Variants in CLUH observed in about 807,000 individuals in gnomAD.
The protein encoded by CLUH is CLUH binding protein of NUMT mRNA.
A neutral mutation model predicts 139.3 loss-of-function variants in CLUH; 77 were observed. That is an observed-to-expected ratio of 0.55 (90% CI 0.46 to 0.67). The LOEUF (loss-of-function observed/expected upper bound fraction) is 0.67, where lower values mean the gene tolerates loss of function less well. CLUH is among the 30% of genes least tolerant of loss of function. CLUH has a pLI of 0.00. For synonymous variants in CLUH, 999 were observed against 801.6 expected, an observed-to-expected ratio of 1.25 and a Z score of -4.16; for missense variants, 1,876 against 1,875.8, an observed-to-expected ratio of 1.00 and a Z score of 0.00.
rs553228749 is a variant in CLUH, at chr17:2,711,631, C to A, written c.31G>T (p.Ala11Ser). 2.6e-4 allele frequency: 256 copies of A among 984,502 alleles called. No individual in the cohort carries two copies. The highest frequency in any genetic ancestry group is 3.0e-4 in the Non-Finnish European group (247 of 829,614). The allele number at this position is 984,502 out of a possible 1,614,324, so 61.0% of individuals were successfully genotyped here. The change falls in exon 1 of 26, where the codon GCC (alanine) becomes TCC (serine). Residue 11 changes from alanine to serine, a missense_variant. Ala to Ser is a moderately conservative substitution (Grantham distance 99). Around this residue, in one of 3 missense-constraint regions of CLUH, gnomAD observed 152 missense variants for 136.7 expected, o/e 1.11. Transcript: ENST00000651024. The part of the protein sequence containing the change: MVIKTDELPA[A>S]APADSAREHG... ...TCCCGGGCGCTGTCGGCCGGGGCGG[C>A]CGCCGGCAACTCGTCCGTCTTGATA...
At chr17:2,691,201 G>A (rs367693024) in intron 25 of CLUH, among the ~76,000 whole-genome samples, 15 of 152,238 alleles carry the variant, frequency 9.9e-5, no homozygotes, top group African/African-American at 3.1e-4. Flanking sequence ...GTGGGAAAAC[G>A]CCAAGATACT....
Position 2,692,701 on chromosome 17 carries a change from G to A in CLUH, c.3313-5C>T, listed in dbSNP as rs781423570. ...GCAGTACAGGGCCAGGTGCATCTGC[G>A]GGCGGGGCGGAGACAGGTCAGGGTG... is the stretch of plus-strand genomic sequence containing the variant. On this transcript the variant is annotated splice_region_variant and splice_polypyrimidine_tract_variant and intron_variant, in intron 20 of 25. Coordinates refer to ENST00000651024, the MANE Select transcript of CLUH (RefSeq NM_001366661.1). The A allele has an allele frequency of 1.5e-5, 24 of 1,609,586 alleles. No homozygotes were observed. In the Middle Eastern group the frequency reaches 1.0e-3, roughly 67 times the overall value.
Position 2,707,551 on chromosome 17 carries a change from C to T in CLUH, c.101-2987G>A, listed in dbSNP as rs532487527. ...GAGAGGGGGTCACTGCCGGCAAAGCCGCTAGGGGGATCGGAGAACCCAGAA... is the reference window on the plus strand; with the variant it reads ...GAGAGGGGGTCACTGCCGGCAAAGCTGCTAGGGGGATCGGAGAACCCAGAA... On this transcript the variant is annotated intron_variant, in intron 1 of 25. Coordinates refer to ENST00000651024, the MANE Select transcript of CLUH (RefSeq NM_001366661.1). The surrounding 1 kb of genome is among the most constrained non-coding windows in gnomAD (Gnocchi z 7.4). 67 of 985,408 alleles carry T rather than the reference C, an allele frequency of 6.8e-5. No individual in the cohort carries two copies. The South Asian group carries it at 1.6e-3, about 24-fold the overall frequency. 61.0% of individuals were successfully genotyped at this position (985,408 alleles called of 1,614,324 possible). A position where few individuals can be genotyped will look rare whatever the true frequency, so the allele number is the denominator to read the frequency against.
intron 19 of CLUH, among the ~76,000 whole-genome samples, chr17:2,693,395 C>CAGAA (rs72421525): frequency 0.51 from 76,859 of 151,152 alleles, 20,782 homozygotes; most frequent in Non-Finnish European, 0.61. Flanking sequence ...GACCCTGTCT[C>CAGAA]AGAAACAAAC....
rs746985052 is a variant in CLUH at position 2,697,978 on chromosome 17, C to A, written c.1879G>T (p.Ala627Ser). ...TGGGCGCGGGGGAAGCCGGCGCGGG[C>A]GCATTCCTCAGGCAGCTCCTCGCCA... is the stretch of plus-strand genomic sequence containing the variant. ...VPGEELPEECARAGFPRAHRH... is the reference protein window; with the variant it reads ...VPGEELPEECSRAGFPRAHRH... The change falls in exon 10 of 26, where the codon GCC becomes TCC. Residue 627 changes from alanine (A) to serine (S), a missense_variant. This residue lies in a region of CLUH where 1,454 missense variants were observed against 1,384.4 expected (regional missense o/e 1.05). Transcript: ENST00000651024. The A allele has an allele frequency of 6.3e-7, 1 of 1,585,530 alleles. No individual in the cohort carries two copies. The highest frequency in any genetic ancestry group is 1.7e-4 in the Middle Eastern group (1 of 6,034).
chr17:2,691,423 G>T (rs1460398442), intron 25 of CLUH, 186 bp downstream of exon 25: 2 of 601,946 alleles, frequency 3.3e-6, no homozygotes, highest in Non-Finnish European at 5.9e-6. Context: ...TGAGCCGGGC[G>T]AGGTGGCGGA....
intron 9 of CLUH, among the ~76,000 whole-genome samples, chr17:2,698,828 G>C (rs1464832382): frequency 5.9e-5 from 9 of 152,128 alleles, no homozygotes; most frequent in Non-Finnish European, 2.9e-5. Flanking sequence ...CAGACCACTT[G>C]AGGTCACGAG....
At position 2,701,483 on chromosome 17, in the gene CLUH, C is replaced by T; in HGVS notation, c.782G>A (p.Trp261Ter). Residue 261 changes from tryptophan (W) to a stop codon, truncating the protein, a stop_gained, in exon 6 of 26, where the codon TGG becomes TAG. Coordinates refer to ENST00000651024, the MANE Select transcript of CLUH (RefSeq NM_001366661.1). LOFTEE classifies it high-confidence loss of function. ...QCLKVLTMSG[W>*]NPPPGNRKMH... ...CTTCCGGTTCCCCGGGGGCGGGTTCCATCCGCTCATGGTGAGTACTTTCAG... is the reference window on the plus strand; with the variant it reads ...CTTCCGGTTCCCCGGGGGCGGGTTCTATCCGCTCATGGTGAGTACTTTCAG... The T allele has an allele frequency of 6.2e-7, 1 of 1,613,880 alleles. No homozygotes were observed. The highest frequency in any genetic ancestry group is 8.5e-7 in the Non-Finnish European group (1 of 1,179,856).
intron 12 of CLUH, 49 bp downstream of exon 12, chr17:2,696,385 A>G: frequency 6.5e-7 from 1 of 1,529,898 alleles, no homozygotes; most frequent in South Asian, 1.2e-5. Flanking sequence ...CCCCCCAGCG[A>G]AGCTCTGGCC....
chr17:2,696,877 G>A lies in CLUH; in HGVS notation c.2027C>T (p.Thr676Ile). The A allele has an allele frequency of 6.2e-7, 1 of 1,612,922 alleles. No homozygotes were observed. Among genetic ancestry groups the A allele is most frequent in the Non-Finnish European group, 8.5e-7 (1 of 1,179,622 alleles). The change falls in exon 11 of 26, where the codon ACC (threonine) becomes ATC (isoleucine). Residue 676 changes from threonine (T) to isoleucine (I), a missense_variant. Physicochemically the swap from Thr to Ile is moderately conservative, Grantham distance 89. Transcript: ENST00000651024. ...ACCACCATTTTCCAGGGAGGAGGGG[G>A]TCTCCAGCTGGCTGGCGTTCTGCTG... ...LMQQNASQLE[T>I]PSSLENGGPS...
Position 2,700,843 on chromosome 17 carries a change from G to T in CLUH, c.1026-18C>A, listed in dbSNP as rs369874928. On this transcript the variant is annotated intron_variant, in intron 7 of 25. Coordinates refer to ENST00000651024, the MANE Select transcript of CLUH (RefSeq NM_001366661.1). ...GCTGGACCCTGTGGCAGGCAGGGGA[G>T]GGGGAGATGGGGCAGCCCACCAAGC... 148 of 1,508,050 alleles carry T rather than the reference G, an allele frequency of 9.8e-5. No individual in the cohort carries two copies. Among genetic ancestry groups the T allele is most frequent in the Admixed American group, 4.1e-4 (18 of 44,082 alleles). The allele number at this position is 1,508,050 out of a possible 1,614,324, so 93.4% of individuals were successfully genotyped here.
At chr17:2,695,849 C>G (rs1323360560) in intron 13 of CLUH, 1 of 579,688 alleles carries the variant, frequency 1.7e-6, no homozygotes, top group African/African-American at 1.9e-5. Context: ...GAACCAGACA[C>G]AGAGCCTGCG....
rs780272470 is a variant in CLUH at position 2,698,303 on chromosome 17, G to A, written c.1554C>T (p.Tyr518=). ...GGATGATGGACTGGGCCGTGACCCG[G>A]TAGCCGCGGTAATCCACCACCACCG... ...LGTVVVDYRG[Y]RVTAQSIIPG... is the part of the protein sequence containing the mutation. Residue 518 remains tyrosine, a synonymous_variant, in exon 10 of 26, where the codon TAC becomes TAT. Transcript: ENST00000651024. 1.9e-6 allele frequency: 3 copies of A among 1,612,468 alleles called. No individual in the cohort carries two copies. In the Admixed American group the frequency reaches 5.0e-5, roughly 27 times the overall value.
At position 2,694,120 on chromosome 17, in the gene CLUH, C is replaced by T. The variant is rs1219752766; in HGVS notation, c.3091+3G>A. On this transcript the variant is annotated splice_donor_region_variant and intron_variant, in intron 18 of 25. Transcript: ENST00000651024. ...CTCCACCCAGCCCCACCTGGCCACACACCCTGCTGCACTTTGGCCTGCCCG... is the reference window on the plus strand; with the variant it reads ...CTCCACCCAGCCCCACCTGGCCACATACCCTGCTGCACTTTGGCCTGCCCG... 6.2e-7 allele frequency: 1 copy of T among 1,613,844 alleles called. No homozygotes were observed.
chr17:2,694,676 C>A, intron 16 of CLUH, 112 bp from the exon 17 acceptor site: 3 of 1,327,480 alleles, frequency 2.3e-6, no homozygotes, highest in Non-Finnish European at 3.1e-6. Flanking sequence ...CTGCCCCACC[C>A]GGCCCCCGGG....
At chr17:2,693,840 C>T in intron 19 of CLUH, 60 bp downstream of exon 19, 1 of 1,543,804 alleles carries the variant, frequency 6.5e-7, no homozygotes, top group Non-Finnish European at 8.7e-7. Flanking sequence ...GTCAGGGGCC[C>T]CCTCACTCCC....
chr17:2,711,745 G>C lies in CLUH; in HGVS notation c.-84C>G. 1 of 550,418 alleles carries C rather than the reference G, an allele frequency of 1.8e-6. No homozygotes were observed. The highest frequency in any genetic ancestry group is 2.3e-6 in the Non-Finnish European group (1 of 432,634). 34.1% of individuals were successfully genotyped at this position (550,418 alleles called of 1,614,324 possible). A position where few individuals can be genotyped will look rare whatever the true frequency, so the allele number is the denominator to read the frequency against. On this transcript the variant is annotated 5_prime_UTR_variant, in exon 1 of 26. Coordinates refer to ENST00000651024, the MANE Select transcript of CLUH (RefSeq NM_001366661.1). The stretch of plus-strand genomic sequence containing the variant: ...AAGTGCCCTGCGCGCCGCGGCTGCT[G>C]AGGGAAGGACGGAGTCACCGGCCCA...
chr17:2,702,757 C>T (rs943223101), intron 3 of CLUH, among the ~76,000 whole-genome samples: 5 of 151,636 alleles, frequency 3.3e-5, no homozygotes, highest in Non-Finnish European at 1.5e-5. Context: ...AACTGAACTG[C>T]GCTGACTTCA....
Position 2,696,174 on chromosome 17 carries a change from G to A in CLUH, c.2376C>T (p.Cys792=). The change falls in exon 13 of 26, where the codon TGC becomes TGT. Residue 792 remains cysteine (C), a synonymous_variant. Transcript: ENST00000651024. ...CCTCCCTCACCAAGCCAGGGATCTGGCAGGAGAGCAGGAAGGCAGCCGCGT... is the reference window on the plus strand; with the variant it reads ...CCTCCCTCACCAAGCCAGGGATCTGACAGGAGAGCAGGAAGGCAGCCGCGT... ...LKDAAAFLLS[C]QIPGLVKDCM... 2 of 1,563,032 alleles carry A rather than the reference G, an allele frequency of 1.3e-6. No homozygotes were observed. Among genetic ancestry groups the A allele is most frequent in the Non-Finnish European group, 1.7e-6 (2 of 1,154,038 alleles).
Sources: gnomAD v4.1 joint callset for allele counts (sites outside exome capture counted in the v4.1 genomes callset) on GRCh38, gnomAD v4.1.1 for gene constraint, gnomAD v4.1.1 regional missense constraint, Gnocchi (gnomAD v3.1) non-coding constraint, MANE v1.5 for transcripts, NCBI Gene and HGNC (gene_info 2026-07-23, HGNC 2026-07-21) for gene names.